The following PNPLA1 variants were observed in gnomAD, a reference collection of about 807,000 sequenced individuals.
The protein encoded by PNPLA1 is patatin like domain 1, omega-hydroxyceramide transacylase.
Under a neutral mutation model 51.7 loss-of-function variants are expected in PNPLA1, and 36 were observed. That is an observed-to-expected ratio of 0.70 (90% CI 0.53 to 0.92). The LOEUF (loss-of-function observed/expected upper bound fraction) is 0.92, where lower values mean the gene tolerates loss of function less well. Among genes scored for constraint, PNPLA1 ranks in the 40% least tolerant of loss-of-function variants. The pLI is 0.00. For synonymous variants in PNPLA1, 293 were observed against 280.1 expected (o/e 1.05, Z -0.46); for missense variants, 658 against 682.5 (o/e 0.96, Z 0.40).
At chr6:36,304,276 C>T (rs1223830992) in intron 6 of PNPLA1, among the ~76,000 whole-genome samples, 2 of 152,186 alleles carry the variant, frequency 1.3e-5, no homozygotes, top group East Asian at 3.9e-4. Context: ...TGGGAATTAG[C>T]CCCAACTTGG....
chr6:36,287,684 G>A (rs1319269097), intron 1 of PNPLA1, among the ~76,000 whole-genome samples: 2 of 151,990 alleles, frequency 1.3e-5, no homozygotes, highest in Non-Finnish European at 2.9e-5. Flanking sequence ...AGAGAGAAAG[G>A]AGAGAGATAG....
At chr6:36,281,097 G>T (rs796909273) in intron 1 of PNPLA1, among the ~76,000 whole-genome samples, 9 of 152,244 alleles carry the variant, frequency 5.9e-5, no homozygotes, top group African/African-American at 2.2e-4. Flanking sequence ...CTGATCTCTT[G>T]TTTCTGAAGC....
In PNPLA1 at chr6:36,302,463, C is replaced by T; in HGVS notation, c.1378C>T (p.Pro460Ser). Residue 460 changes from proline to serine, a missense_variant, in exon 6 of 9, where the codon CCC becomes TCC. By Grantham distance (74) the Pro-to-Ser change is moderately conservative. Coordinates refer to ENST00000636260, the MANE Select transcript of PNPLA1 (RefSeq NM_001374623.1). ...PPVEELGQEQPQAVALLVSSK... is the reference protein window; with the variant it reads ...PPVEELGQEQSQAVALLVSSK... Reference sequence around the variant, plus strand: ...TGTGGAGGAACTAGGCCAAGAACAGCCCCAAGGTATGGACCCTTCTGGCTT... The same window carrying T: ...TGTGGAGGAACTAGGCCAAGAACAGTCCCAAGGTATGGACCCTTCTGGCTT... The T allele has an allele frequency of 6.5e-7, 1 of 1,537,854 alleles. No homozygotes were observed. The highest frequency in any genetic ancestry group is 8.7e-7 in the Non-Finnish European group (1 of 1,144,096).
intron 1 of PNPLA1, among the ~76,000 whole-genome samples, chr6:36,286,975 C>T (rs75034612): frequency 0.025 from 3,806 of 152,230 alleles, 136 homozygotes; most frequent in African/African-American, 0.08. Flanking sequence ...CATGAACCAC[C>T]ACACCCAGCA....
chr6:36,299,741 A>C (rs1770973551), intron 5 of PNPLA1, among the ~76,000 whole-genome samples: 1 of 152,196 alleles, frequency 6.6e-6, no homozygotes, highest in African/African-American at 2.4e-5. Flanking sequence ...CTAATGACTA[A>C]TGACTTTGAG....
At chr6:36,255,010 A>G (rs1467279424) in intron 1 of PNPLA1, among the ~76,000 whole-genome samples, 1 of 152,204 alleles carries the variant, frequency 6.6e-6, no homozygotes, top group African/African-American at 2.4e-5. Flanking sequence ...TTCTTTCCCA[A>G]CTATGCAACT....
At chr6:36,255,214 T>C (rs78749644) in intron 1 of PNPLA1, among the ~76,000 whole-genome samples, 1 of 146,392 alleles carries the variant, frequency 6.8e-6, no homozygotes, top group African/African-American at 2.6e-5. Context: ...TAAAAAAAAA[T>C]ACAAAATTGG....
chr6:36,291,497 C>T lies in PNPLA1; in HGVS notation c.383C>T (p.Thr128Met), dbSNP rs140585347. 1,357 of 1,431,424 alleles carry T rather than the reference C, an allele frequency of 9.5e-4. 4 individuals carry two copies. Among genetic ancestry groups the T allele is most frequent in the African/African-American group, 7.6e-3 (503 of 66,464 alleles). The allele number at this position is 1,431,424 out of a possible 1,614,324, so 88.7% of individuals were successfully genotyped here. A position where few individuals can be genotyped will look rare whatever the true frequency, so the allele number is the denominator to read the frequency against. The change falls in exon 2 of 9, where the codon ACG (threonine) becomes ATG (methionine). Residue 128 changes from threonine to methionine, a missense_variant. Coordinates refer to ENST00000636260, the MANE Select transcript of PNPLA1 (RefSeq NM_001374623.1). ...GKLHVSLTRL[T>M]DGENVVVSEF... is the part of the protein sequence containing the mutation. ...CTCCATGTGAGCCTCACCCGCTTAA[C>T]GGACGGGGAGAATGTGGTGGTTTCA...
At position 36,307,721 on chromosome 6, in the gene PNPLA1, G is replaced by A. The variant is rs1251925187; in HGVS notation, c.1595+9G>A. Reference sequence around the variant, plus strand: ...CCAAGCAGCAAAGTGCAGTGAGCATGTCTAATGTTCCTTAAATCCCACGGA... The same window carrying A: ...CCAAGCAGCAAAGTGCAGTGAGCATATCTAATGTTCCTTAAATCCCACGGA... On this transcript the variant is annotated intron_variant, in intron 8 of 8. Coordinates refer to ENST00000636260, the MANE Select transcript of PNPLA1 (RefSeq NM_001374623.1). The A allele has an allele frequency of 6.2e-7, 1 of 1,613,676 alleles. No homozygotes were observed. Among genetic ancestry groups the A allele is most frequent in the Non-Finnish European group, 8.5e-7 (1 of 1,179,706 alleles).
chr6:36,295,340 T>C, intron 4 of PNPLA1, 24 bp from the exon 5 acceptor site: 1 of 1,614,008 alleles, frequency 6.2e-7, no homozygotes, highest in Non-Finnish European at 8.5e-7. Flanking sequence ...GCCTTGGTAA[T>C]TCTCCTGGTG....
At chr6:36,255,401 A>T (rs750828328) in intron 1 of PNPLA1, among the ~76,000 whole-genome samples, 1 of 152,260 alleles carries the variant, frequency 6.6e-6, no homozygotes, top group Admixed American at 6.5e-5. Context: ...ACTACTTGGG[A>T]GGCCGAGGCA....
intron 4 of PNPLA1, 123 bp from the exon 5 acceptor site, chr6:36,295,241 A>C: frequency 3.2e-6 from 3 of 925,198 alleles, no homozygotes; most frequent in Non-Finnish European, 5.2e-6. Context: ...CTGGATGGGT[A>C]CGTTTTGAAA....
At chr6:36,307,908 T>C in intron 8 of PNPLA1, 196 bp downstream of exon 8, 1 of 577,122 alleles carries the variant, frequency 1.7e-6, no homozygotes, top group African/African-American at 1.9e-5. Context: ...TTGGGACACT[T>C]GCTCTCCCTG....
At chr6:36,282,853 T>G (rs2127335890) in intron 1 of PNPLA1, among the ~76,000 whole-genome samples, 1 of 152,164 alleles carries the variant, frequency 6.6e-6, no homozygotes, top group Middle Eastern at 3.4e-3. Flanking sequence ...TCCAGCTAAT[T>G]TTTGTATTTT....
chr6:36,256,346 A>G (rs539880819), intron 1 of PNPLA1, among the ~76,000 whole-genome samples: 2 of 152,264 alleles, frequency 1.3e-5, no homozygotes, highest in South Asian at 4.1e-4. Context: ...AAATGTAGTC[A>G]CATACATTTA....
intron 1 of PNPLA1, among the ~76,000 whole-genome samples, chr6:36,273,548 C>T (rs1008284635): frequency 6.6e-6 from 1 of 151,582 alleles, no homozygotes; most frequent in Admixed American, 6.6e-5. Flanking sequence ...TTCCGGGCGC[C>T]TGCGTTGCTC....
intron 2 of PNPLA1, 45 bp downstream of exon 2, chr6:36,291,597 G>GGGGGGGGGGC: frequency 1.9e-6 from 1 of 532,586 alleles, no homozygotes. Flanking sequence ...GGGGGCGGGG[G>GGGGGGGGGGC]AGGGCGGCTC....
upstream of PNPLA1, among the ~76,000 whole-genome samples, chr6:36,265,299 C>T (rs1297410977): frequency 6.6e-6 from 1 of 152,126 alleles, no homozygotes; most frequent in Non-Finnish European, 1.5e-5. Flanking sequence ...CGAGATAGTG[C>T]CATTGCACTC....
At chr6:36,263,961 C>A (rs182056073) in intron 1 of PNPLA1, among the ~76,000 whole-genome samples, 3 of 152,202 alleles carry the variant, frequency 2.0e-5, no homozygotes, top group African/African-American at 4.8e-5. Flanking sequence ...TAAGCTGCTT[C>A]CCCGCTTCCC....
Sources: allele counts gnomAD v4.1 joint callset (sites outside exome capture counted in the v4.1 genomes callset), GRCh38; gene constraint gnomAD v4.1.1; transcripts MANE v1.5; gene names NCBI Gene and HGNC (gene_info 2026-07-23, HGNC 2026-07-21).